PCDHGA1: variants seen among roughly 807,000 people sequenced by gnomAD.
PCDHGA1 encodes protocadherin gamma subfamily A, 1.
Under a neutral mutation model 58.0 loss-of-function variants are expected in PCDHGA1, and 32 were observed. The observed-to-expected ratio is 0.55, with a 90% CI of 0.42 to 0.74. The LOEUF (loss-of-function observed/expected upper bound fraction) is 0.74. Ranked by LOEUF, PCDHGA1 falls within the 30% of genes least tolerant of loss-of-function variation. PCDHGA1 has a pLI of 0.00. For missense variants in PCDHGA1, 1,205 were observed against 1,182.3 expected (o/e 1.02, Z -0.28); for synonymous variants, 498 against 501.1 (o/e 0.99, Z 0.08).
chr5:141,355,742 A>T, intron 1 of PCDHGA1: 1 of 1,613,970 alleles, frequency 6.2e-7, no homozygotes, highest in Non-Finnish European at 8.5e-7. Flanking sequence ...TTTTCCCTGG[A>T]CGTGCAAAGT....
chr5:141,474,291 AGT>A (rs1191263215), intron 1 of PCDHGA1, among the ~76,000 whole-genome samples: 1 of 152,210 alleles, frequency 6.6e-6, no homozygotes, highest in Admixed American at 6.5e-5. Flanking sequence ...CCACTAGATC[AGT>A]GCTTGTCAAA....
chr5:141,421,409 C>T, intron 1 of PCDHGA1: 1 of 1,614,026 alleles, frequency 6.2e-7, no homozygotes, highest in Non-Finnish European at 8.5e-7. Context: ...CGGGAGCTGG[C>T]GAAGCGCGGA....
At chr5:141,384,879 C>T (rs771003299) in intron 1 of PCDHGA1, 1 of 1,613,874 alleles carries the variant, frequency 6.2e-7, no homozygotes, top group Middle Eastern at 1.6e-4. Context: ...CCGTCACACT[C>T]ACCGTGGCTG....
rs185283449 is a variant in PCDHGA1, at chr5:141,339,945, C to T, written c.2421+6840C>T. On this transcript the variant is annotated intron_variant, in intron 1 of 3. Transcript: ENST00000517417. ...ATTGATATTGAAGCTCAGGATGGTC[C>T]GGGCCTTCTAACCAGAGCGAAGGTT... is the stretch of plus-strand genomic sequence containing the variant. 458 of 1,614,056 alleles carry T rather than the reference C, an allele frequency of 2.8e-4. 2 individuals carry two copies. Among genetic ancestry groups the T allele is most frequent in the Non-Finnish European group, 4.3e-5 (51 of 1,179,982 alleles).
Position 141,432,970 on chromosome 5 carries a change from G to C in PCDHGA1, c.2422-61837G>C, listed in dbSNP as rs371130763. On this transcript the variant is annotated intron_variant, in intron 1 of 3. Transcript: ENST00000517417. This position sits in a 1 kb window ranked among gnomAD's most constrained non-coding sequence, Gnocchi z 6.0. ...GAGGCGGCTTGACAGGAGCGCCGGC[G>C]TCGCACTTTGTGGGCGTGGACGGGG... is the stretch of plus-strand genomic sequence containing the variant. 25 of 1,614,114 alleles carry C rather than the reference G, an allele frequency of 1.5e-5. No individual in the cohort carries two copies. Among genetic ancestry groups the C allele is most frequent in the African/African-American group, 1.1e-4 (8 of 75,054 alleles).
intron 1 of PCDHGA1, chr5:141,373,950 A>G (rs2150030574): frequency 1.2e-6 from 1 of 822,986 alleles, no homozygotes; most frequent in Non-Finnish European, 1.8e-6. Context: ...CTGTGCAGAA[A>G]TTCTGACCTG....
rs2099883782 is a variant in PCDHGA1 at position 141,511,420 on chromosome 5, G to C, written c.*247G>C. The C allele has an allele frequency of 1.2e-6, 1 of 830,744 alleles. No homozygotes were observed. The allele number at this position is 830,744 out of a possible 1,614,324, so 51.5% of individuals were successfully genotyped here. On this transcript the variant is annotated 3_prime_UTR_variant, in exon 4 of 4. Transcript: ENST00000517417. ...TCCAATCAACTGCTGTACCCATGGG[G>C]GTAGTGGGGTTACTGTAGACACCAA...
chr5:141,484,944 AG>A (rs1354711871), intron 1 of PCDHGA1: 1 of 546,450 alleles, frequency 1.8e-6, no homozygotes, highest in Non-Finnish European at 3.3e-6. Context: ...TTCTCTGCTC[AG>A]CCTATTGGCT....
At chr5:141,419,808 G>A in intron 1 of PCDHGA1, 2 of 1,614,066 alleles carry the variant, frequency 1.2e-6, no homozygotes, top group Non-Finnish European at 8.5e-7. Flanking sequence ...AGAGATGGAG[G>A]ACAGCCACCC....
At chr5:141,382,988 G>A (rs958046112) in intron 1 of PCDHGA1, 1 of 1,613,208 alleles carries the variant, frequency 6.2e-7, no homozygotes, top group East Asian at 2.2e-5. Context: ...TGGGCAGGAC[G>A]TATTCTCTAC....
Position 141,490,486 on chromosome 5 carries a change from G to A in PCDHGA1, c.2422-4321G>A, listed in dbSNP as rs1187388706. The A allele has an allele frequency of 1.2e-6, 2 of 1,614,090 alleles. No individual in the cohort carries two copies. On this transcript the variant is annotated intron_variant, in intron 1 of 3. Transcript: ENST00000517417. The surrounding 1 kb of genome is among the most constrained non-coding windows in gnomAD (Gnocchi z 5.4). ...AACCAGCCAGCCTTTGGACCGGGAG[G>A]CCACATCCCACTATATCATCGAGCT...
chr5:141,376,438 T>C lies in PCDHGA1; in HGVS notation c.2421+43333T>C, dbSNP rs752669729. 6.2e-6 allele frequency: 10 copies of C among 1,614,058 alleles called. No homozygotes were observed. The Admixed American group carries it at 8.3e-5, about 13-fold the overall frequency. On this transcript the variant is annotated intron_variant, in intron 1 of 3. Coordinates refer to ENST00000517417, the MANE Select transcript of PCDHGA1 (RefSeq NM_018912.3). ...ACACGCTTATCAACCAGGAGAGCTA[T>C]GAGAAAAGCGAGCCTCTTCTGATAA...
Position 141,491,623 on chromosome 5 carries a change from G to T in PCDHGA1, c.2422-3184G>T. 1 of 1,613,930 alleles carries T rather than the reference G, an allele frequency of 6.2e-7. No homozygotes were observed. The highest frequency in any genetic ancestry group is 1.1e-5 in the South Asian group (1 of 91,084). On this transcript the variant is annotated intron_variant, in intron 1 of 3. Transcript: ENST00000517417. This position sits in a 1 kb window ranked among gnomAD's most constrained non-coding sequence, Gnocchi z 6.9. ...CTTCACTTTTCTAAGACCCCTCAGC[G>T]TTCAGCAGCCCACAGCTCTGGCGCT...
intron 1 of PCDHGA1, chr5:141,400,117 T>C (rs2093964744): frequency 1.2e-6 from 2 of 1,614,050 alleles, no homozygotes; most frequent in Non-Finnish European, 1.7e-6. Context: ...TGCTGACAGC[T>C]TGCAGGAGGT....
At chr5:141,428,307 C>T (rs759382004) in intron 1 of PCDHGA1, 5 of 688,034 alleles carry the variant, frequency 7.3e-6, no homozygotes, top group Non-Finnish European at 5.1e-6. Flanking sequence ...TTTACCTGGT[C>T]GTGGCCTTGG....
intron 1 of PCDHGA1, chr5:141,405,157 G>T: frequency 6.2e-7 from 1 of 1,614,072 alleles, no homozygotes. Context: ...TGGCTGGTGT[G>T]CCCACCTCAC....
At chr5:141,403,699 T>G (rs780425739) in intron 1 of PCDHGA1, 6 of 1,613,934 alleles carry the variant, frequency 3.7e-6, no homozygotes, top group East Asian at 2.2e-5. Context: ...TTTACCGAGT[T>G]AAAGTCCTTG....
rs2095935492 is a variant in PCDHGA1 at position 141,415,755 on chromosome 5, T to TG, written c.2422-79052_2422-79051insG. ...GTTTATTAAGGTTTTTTTTTTTTTT[T>TG]TTTTTTTTTTTTTTTTTACTTTCTG... On this transcript the variant is annotated intron_variant, in intron 1 of 3. Coordinates refer to ENST00000517417, the MANE Select transcript of PCDHGA1 (RefSeq NM_018912.3). 10 of 1,387,646 alleles carry TG rather than the reference T, an allele frequency of 7.2e-6. No individual in the cohort carries two copies. The African/African-American group carries it at 1.4e-4, about 19-fold the overall frequency. The allele number at this position is 1,387,646 out of a possible 1,614,324, so 86.0% of individuals were successfully genotyped here.
chr5:141,338,042 T>C (rs1293650168), intron 1 of PCDHGA1, among the ~76,000 whole-genome samples: 1 of 152,228 alleles, frequency 6.6e-6, no homozygotes, highest in Non-Finnish European at 1.5e-5. Flanking sequence ...CTACTTTTTA[T>C]GATTCAGCTT....
Sources: allele counts gnomAD v4.1 joint callset (sites outside exome capture counted in the v4.1 genomes callset), GRCh38; gene constraint gnomAD v4.1.1; non-coding constraint Gnocchi (gnomAD v3.1); transcripts MANE v1.5; gene names NCBI Gene and HGNC (gene_info 2026-07-23, HGNC 2026-07-21).